Variants in GRIK1 observed in about 807,000 individuals in gnomAD.
GRIK1 encodes glutamate ionotropic receptor kainate type subunit 1, also known as glutamate receptor ionotropic, kainate 1.
GRIK1 carries 69 observed loss-of-function variants against 105.7 expected under a neutral mutation model. That is an observed-to-expected ratio of 0.65 (90% CI 0.54 to 0.80). GRIK1 has a LOEUF of 0.80. Ranked by LOEUF, GRIK1 falls within the 30% of genes least tolerant of loss-of-function variation. GRIK1 has a pLI of 0.00. For synonymous variants in GRIK1, 438 were observed against 431.3 expected (o/e 1.02, Z -0.19); for missense variants, 1,109 against 1,167.3 (o/e 0.95, Z 0.73).
intron 1 of GRIK1, among the ~76,000 whole-genome samples, chr21:29,754,938 CTCTA>C (rs2065297817): frequency 6.6e-6 from 1 of 152,146 alleles, no homozygotes; most frequent in Non-Finnish European, 1.5e-5. Flanking sequence ...ATTCTTTGTA[CTCTA>C]TCTATATATC....
intron 16 of GRIK1, among the ~76,000 whole-genome samples, chr21:29,551,369 T>G (rs2090131943): frequency 6.6e-6 from 1 of 152,182 alleles, no homozygotes; most frequent in Non-Finnish European, 1.5e-5. Context: ...AAATTGAGAC[T>G]GAGAAGTTTG....
At chr21:29,622,371 G>T (rs371967674) in intron 7 of GRIK1, among the ~76,000 whole-genome samples, 2 of 152,308 alleles carry the variant, frequency 1.3e-5, no homozygotes, top group African/African-American at 4.8e-5. Flanking sequence ...AGTACTCTAC[G>T]TTGGAAGACA....
intron 9 of GRIK1, among the ~76,000 whole-genome samples, chr21:29,592,999 C>A (rs536296444): frequency 6.6e-6 from 1 of 152,248 alleles, no homozygotes; most frequent in Admixed American, 6.5e-5. Flanking sequence ...TTTTCTATTT[C>A]TTGACTCTGA....
At chr21:29,717,556 G>A (rs1385031757) in intron 1 of GRIK1, among the ~76,000 whole-genome samples, 2 of 152,248 alleles carry the variant, frequency 1.3e-5, no homozygotes, top group East Asian at 3.8e-4. Flanking sequence ...CTGCCTTATT[G>A]GAGTTTGGAC....
At chr21:29,843,163 A>G (rs2068026356) in intron 1 of GRIK1, among the ~76,000 whole-genome samples, 1 of 152,150 alleles carries the variant, frequency 6.6e-6, no homozygotes, top group Non-Finnish European at 1.5e-5. Context: ...TCAAAGTACC[A>G]TATTTTAAAA....
chr21:29,608,758 A>G (rs1287922529), intron 7 of GRIK1, among the ~76,000 whole-genome samples: 3 of 152,172 alleles, frequency 2.0e-5, no homozygotes, highest in East Asian at 1.9e-4. Context: ...TCAGAGCCTC[A>G]TGGAAACATG....
chr21:29,577,991 C>A (rs1327108457), intron 13 of GRIK1, among the ~76,000 whole-genome samples: 22 of 152,136 alleles, frequency 1.4e-4, no homozygotes, highest in Non-Finnish European at 1.5e-5. Context: ...ACCTTCCTCT[C>A]TAAAAGAAAG....
chr21:29,786,550 C>T (rs566234783), intron 1 of GRIK1, among the ~76,000 whole-genome samples: 2 of 152,096 alleles, frequency 1.3e-5, no homozygotes, highest in Non-Finnish European at 2.9e-5. Context: ...GAAATCATCC[C>T]TATATCCTTC....
chr21:29,895,443 AACAACT>A (rs2070104019), intron 1 of GRIK1, among the ~76,000 whole-genome samples: 1 of 152,212 alleles, frequency 6.6e-6, no homozygotes. Flanking sequence ...ACAGGCAAAC[AACAACT>A]ACAAGAATAT....
At chr21:29,696,660 C>T (rs1005946339) in intron 1 of GRIK1, among the ~76,000 whole-genome samples, 1 of 152,206 alleles carries the variant, frequency 6.6e-6, no homozygotes, top group African/African-American at 2.4e-5. Context: ...TGTCTGTCTC[C>T]TCAGCCCCAC....
chr21:29,563,794 A>T (rs539617949), intron 14 of GRIK1, among the ~76,000 whole-genome samples: 1 of 152,318 alleles, frequency 6.6e-6, no homozygotes, highest in African/African-American at 2.4e-5. Flanking sequence ...GGCTCATACA[A>T]ACTGCTACTG....
intron 1 of GRIK1, among the ~76,000 whole-genome samples, chr21:29,734,623 T>C (rs1266760659): frequency 2.0e-5 from 3 of 152,034 alleles, no homozygotes; most frequent in East Asian, 1.9e-4. Flanking sequence ...AGTCTTGAAC[T>C]CTTGGGCTCA....
intron 1 of GRIK1, among the ~76,000 whole-genome samples, chr21:29,775,637 C>A (rs775902744): frequency 6.6e-6 from 1 of 152,172 alleles, no homozygotes; most frequent in Non-Finnish European, 1.5e-5. Flanking sequence ...CCTGACTCTG[C>A]TCCATGGTGA....
Position 29,806,292 on chromosome 21 carries a change from G to A in GRIK1, c.119-112229C>T, listed in dbSNP as rs115183372. 6.9e-3 allele frequency among the ~76,000 whole-genome samples: 1,049 copies of A among 151,682 alleles called. 9 individuals carry two copies. Among genetic ancestry groups the A allele is most frequent in the African/African-American group, 0.024 (1,001 of 41,368 alleles). ...TGGTGTAATTGGGTGATCCATCCAG[G>A]TCATTCAAAAACCAGCGAATCAGTC... On this transcript the variant is annotated intron_variant, in intron 1 of 17. Coordinates refer to ENST00000327783, the MANE Select transcript of GRIK1 (RefSeq NM_001330994.2).
chr21:29,723,067 C>T (rs2064362293), intron 1 of GRIK1, among the ~76,000 whole-genome samples: 1 of 151,934 alleles, frequency 6.6e-6, no homozygotes, highest in African/African-American at 2.4e-5. Context: ...ACCTGTAATC[C>T]CAGCACTTTG....
intron 1 of GRIK1, among the ~76,000 whole-genome samples, chr21:29,824,847 T>C (rs925367212): frequency 6.6e-6 from 1 of 152,006 alleles, no homozygotes; most frequent in South Asian, 2.1e-4. Context: ...TCCCACTGAC[T>C]TCGCTGTGGA....
intron 1 of GRIK1, among the ~76,000 whole-genome samples, chr21:29,894,744 T>G (rs1037802447): frequency 6.6e-6 from 1 of 152,180 alleles, no homozygotes; most frequent in African/African-American, 2.4e-5. Flanking sequence ...ATTAAAAGAT[T>G]TTAATCGGCG....
At chr21:29,698,097 TATA>T (rs1568988301) in intron 1 of GRIK1, among the ~76,000 whole-genome samples, 1 of 151,870 alleles carries the variant, frequency 6.6e-6, no homozygotes, top group Non-Finnish European at 1.5e-5. Flanking sequence ...ACTTCTTTTG[TATA>T]ATAATTGTGA....
At chr21:29,678,006 C>G (rs981043238) in intron 3 of GRIK1, among the ~76,000 whole-genome samples, 4 of 152,286 alleles carry the variant, frequency 2.6e-5, no homozygotes, top group South Asian at 2.1e-4. Flanking sequence ...AGAAAAGTAC[C>G]TAGGTTTTCT....
Sources: gnomAD v4.1 joint callset for allele counts (sites outside exome capture counted in the v4.1 genomes callset) on GRCh38, gnomAD v4.1.1 for gene constraint, MANE v1.5 for transcripts, NCBI Gene and HGNC (gene_info 2026-07-23, HGNC 2026-07-21) for gene names.